The following RAB28 variants were observed in gnomAD, a reference collection of about 807,000 sequenced individuals.
RAB28 encodes ras-related protein Rab-28.
In RAB28, 24 loss-of-function variants were observed where a neutral mutation model predicts 31.7. That is an observed-to-expected ratio of 0.76 (90% CI 0.55 to 1.06). RAB28 has a LOEUF of 1.06. RAB28 is among the 50% of genes least tolerant of loss of function. The pLI is 0.00. For synonymous variants in RAB28, 100 were observed against 90.4 expected (o/e 1.11, Z -0.60); for missense variants, 254 against 258.5 (o/e 0.98, Z 0.12).
intron 4 of RAB28, among the ~76,000 whole-genome samples, chr4:13,421,494 G>A (rs1032621162): frequency 2.0e-5 from 3 of 152,144 alleles, no homozygotes; most frequent in African/African-American, 4.8e-5. Flanking sequence ...CATGCTACCT[G>A]ACTTCAAACT....
intron 4 of RAB28, among the ~76,000 whole-genome samples, chr4:13,450,908 C>T (rs1300866765): frequency 3.3e-5 from 5 of 151,676 alleles, no homozygotes; most frequent in Non-Finnish European, 5.9e-5. Flanking sequence ...TTATAATGGG[C>T]GAAGAAGCAT....
chr4:13,413,815 G>A (rs1313317393), intron 4 of RAB28, among the ~76,000 whole-genome samples: 5 of 152,100 alleles, frequency 3.3e-5, no homozygotes, highest in African/African-American at 1.2e-4. Context: ...AAAATGTTCA[G>A]ACCCACAAAA....
chr4:13,476,862 T>C (rs1052257701), intron 2 of RAB28, among the ~76,000 whole-genome samples: 2 of 151,388 alleles, frequency 1.3e-5, no homozygotes, highest in Non-Finnish European at 3.0e-5. Flanking sequence ...AGAAATGACA[T>C]GTAACTAGGA....
At chr4:13,381,000 A>G (rs1560268667) in intron 5 of RAB28, among the ~76,000 whole-genome samples, 1 of 152,088 alleles carries the variant, frequency 6.6e-6, no homozygotes, top group African/African-American at 2.4e-5. Flanking sequence ...TGTGACTGTG[A>G]GCCCCAGAGT....
intron 4 of RAB28, among the ~76,000 whole-genome samples, chr4:13,427,887 G>C (rs1410851654): frequency 6.6e-6 from 1 of 152,204 alleles, no homozygotes; most frequent in Non-Finnish European, 1.5e-5. Context: ...CCGAGTTAAA[G>C]AACGAAGTGC....
intron 5 of RAB28, among the ~76,000 whole-genome samples, chr4:13,377,407 A>G (rs1210081611): frequency 1.3e-5 from 2 of 152,234 alleles, no homozygotes; most frequent in Admixed American, 6.5e-5. Flanking sequence ...ACTTCTAACA[A>G]AAAAGGATAC....
At chr4:13,476,630 A>G (rs951599364) in intron 2 of RAB28, among the ~76,000 whole-genome samples, 1 of 151,548 alleles carries the variant, frequency 6.6e-6, no homozygotes, top group Non-Finnish European at 1.5e-5. Context: ...ATTCAAATCA[A>G]TATTCATTTT....
intron 4 of RAB28, among the ~76,000 whole-genome samples, chr4:13,450,735 C>T (rs1324105993): frequency 1.3e-5 from 2 of 151,634 alleles, no homozygotes; most frequent in African/African-American, 4.8e-5. Context: ...TAGAACGAAA[C>T]TTTAAAAAGA....
chr4:13,393,281 C>T (rs1729727449), intron 4 of RAB28, among the ~76,000 whole-genome samples: 1 of 152,060 alleles, frequency 6.6e-6, no homozygotes, highest in African/African-American at 2.4e-5. Context: ...GTCAGATAGC[C>T]TTAAGGATAG....
At chr4:13,478,842 T>TA (rs1716482736) in intron 2 of RAB28, among the ~76,000 whole-genome samples, 1 of 151,694 alleles carries the variant, frequency 6.6e-6, no homozygotes, top group Non-Finnish European at 1.5e-5. Flanking sequence ...GGCATCTAAA[T>TA]AGTTTCTTTG....
At chr4:13,458,057 A>G (rs1715393636) in intron 4 of RAB28, among the ~76,000 whole-genome samples, 1 of 152,194 alleles carries the variant, frequency 6.6e-6, no homozygotes, top group Non-Finnish European at 1.5e-5. Flanking sequence ...TCATCAAAAC[A>G]TGATTTGTCA....
At chr4:13,441,685 CTAAA>C (rs1374329662) in intron 4 of RAB28, among the ~76,000 whole-genome samples, 2 of 152,170 alleles carry the variant, frequency 1.3e-5, no homozygotes, top group African/African-American at 4.8e-5. Context: ...TTATGGATGG[CTAAA>C]TGAATGAAGA....
intron 4 of RAB28, among the ~76,000 whole-genome samples, chr4:13,418,660 T>C (rs1032525771): frequency 2.0e-5 from 3 of 152,192 alleles, no homozygotes; most frequent in Admixed American, 2.0e-4. Context: ...CTAAGCTTCA[T>C]AAGTGAAGGA....
At chr4:13,389,903 G>GT (rs1292093293) in intron 4 of RAB28, among the ~76,000 whole-genome samples, 1 of 152,056 alleles carries the variant, frequency 6.6e-6, no homozygotes, top group African/African-American at 2.4e-5. Context: ...TTGATGGAAC[G>GT]TATCTCAAAA....
chr4:13,371,726 C>T, intron 6 of RAB28: 1 of 1,538,942 alleles, frequency 6.5e-7, no homozygotes, highest in Non-Finnish European at 8.8e-7. Context: ...GGTGGTTTCA[C>T]TGTAGTCAGC....
At chr4:13,427,554 A>G (rs1018597180) in intron 4 of RAB28, among the ~76,000 whole-genome samples, 6 of 152,192 alleles carry the variant, frequency 3.9e-5, no homozygotes, top group African/African-American at 1.4e-4. Context: ...AACACATGGG[A>G]TTGTGCAGCG....
At chr4:13,385,818 A>C (rs1042381913) in intron 4 of RAB28, among the ~76,000 whole-genome samples, 6 of 152,144 alleles carry the variant, frequency 3.9e-5, no homozygotes, top group African/African-American at 1.4e-4. Flanking sequence ...TCCACATGCG[A>C]AAGAATAAAA....
intron 5 of RAB28, among the ~76,000 whole-genome samples, 180 bp from the exon 6 acceptor site, chr4:13,376,802 A>C (rs902410171): frequency 1.3e-5 from 2 of 152,142 alleles, no homozygotes; most frequent in Admixed American, 6.5e-5. Context: ...ATAATTTTTA[A>C]ATTATAAAGC....
chr4:13,439,982 T>TA (rs1714329370), intron 4 of RAB28, among the ~76,000 whole-genome samples: 1 of 152,200 alleles, frequency 6.6e-6, no homozygotes. Context: ...ACATTATTAG[T>TA]AAATTATTCA....
Sources: gnomAD v4.1 joint callset for allele counts (sites outside exome capture counted in the v4.1 genomes callset) on GRCh38, gnomAD v4.1.1 for gene constraint, MANE v1.5 for transcripts, NCBI Gene and HGNC (gene_info 2026-07-23, HGNC 2026-07-21) for gene names.